The following EPHA6 variants were observed in gnomAD, a reference collection of about 807,000 sequenced individuals.
EPHA6 encodes EPH receptor A6, also known as ephrin type-A receptor 6.
A neutral mutation model predicts 112.0 loss-of-function variants in EPHA6; 50 were observed. The observed-to-expected ratio is 0.45, with a 90% confidence interval of 0.36 to 0.56. The LOEUF (loss-of-function observed/expected upper bound fraction) is 0.56. Ranked by LOEUF, EPHA6 falls within the 20% of genes least tolerant of loss-of-function variation. The pLI, the probability that EPHA6 is intolerant of heterozygous loss-of-function variation, is 0.00. For missense variants in EPHA6, 1,280 were observed against 1,417.4 expected, an observed-to-expected ratio of 0.90 and a Z score of 1.56; for synonymous variants, 529 against 490.7, an observed-to-expected ratio of 1.08 and a Z score of -1.03.
At chr3:97,446,801 C>T (rs2090360918) in intron 6 of EPHA6, among the ~76,000 whole-genome samples, 1 of 152,022 alleles carries the variant, frequency 6.6e-6, no homozygotes, top group East Asian at 1.9e-4. Context: ...TTTAAGCCAC[C>T]TAATTATAAA....
At chr3:97,380,403 A>G (rs2109017433) in intron 5 of EPHA6, among the ~76,000 whole-genome samples, 1 of 152,304 alleles carries the variant, frequency 6.6e-6, no homozygotes, top group South Asian at 2.1e-4. Context: ...ATGAGTATAC[A>G]TATATGTACC....
chr3:97,154,165 C>CA (rs527904988), intron 3 of EPHA6, among the ~76,000 whole-genome samples: 1,384 of 109,130 alleles, frequency 0.013, 17 homozygotes, highest in African/African-American at 0.03. Context: ...AACACTGTCT[C>CA]AAAAAAAAAA....
chr3:96,990,680 T>C (rs1358766361), intron 3 of EPHA6, among the ~76,000 whole-genome samples: 1 of 152,134 alleles, frequency 6.6e-6, no homozygotes, highest in Non-Finnish European at 1.5e-5. Context: ...TTTAAAGATA[T>C]ATATAGTGCA....
At chr3:97,030,802 A>G (rs1470278183) in intron 3 of EPHA6, among the ~76,000 whole-genome samples, 1 of 152,092 alleles carries the variant, frequency 6.6e-6, no homozygotes, top group Non-Finnish European at 1.5e-5. Context: ...TGATGTCTTA[A>G]GAATCATGTA....
At chr3:96,942,439 G>A (rs1397737853) in intron 2 of EPHA6, among the ~76,000 whole-genome samples, 1 of 130,288 alleles carries the variant, frequency 7.7e-6, no homozygotes, top group Non-Finnish European at 1.5e-5. Context: ...ATCTCCTGCT[G>A]TGCTGTTATT....
rs1308551612 is a variant in EPHA6, at chr3:97,672,087, A to G, written c.2784+34005A>G. ...ATGAAAAACAAAAAAGTTTCAAAGA[A>G]TCTAGTTAAATCCCAAATAAATTTA... On this transcript the variant is annotated intron_variant, in intron 14 of 17. Coordinates refer to ENST00000389672, the MANE Select transcript of EPHA6 (RefSeq NM_001080448.3). Among the ~76,000 whole-genome samples, 3 of 152,222 alleles carry G rather than the reference A, an allele frequency of 2.0e-5. No homozygotes were observed. In the East Asian group the frequency reaches 5.8e-4, roughly 29 times the overall value.
intron 5 of EPHA6, among the ~76,000 whole-genome samples, chr3:97,259,341 C>G (rs1224208494): frequency 4.0e-5 from 6 of 151,638 alleles, no homozygotes; most frequent in Admixed American, 2.6e-4. Context: ...CACTTTCAAC[C>G]TTATCTTTTT....
rs2035985584 is a variant in EPHA6 at position 97,754,785 on chromosome 3, A to G, written c.*6084A>G. Among the ~76,000 whole-genome samples, 1 of 151,646 alleles carries G rather than the reference A, an allele frequency of 6.6e-6. No individual in the cohort carries two copies. Among genetic ancestry groups the G allele is most frequent in the Admixed American group, 6.6e-5 (1 of 15,244 alleles). On this transcript the variant is annotated 3_prime_UTR_variant, in exon 18 of 18. Coordinates refer to ENST00000389672, the MANE Select transcript of EPHA6 (RefSeq NM_001080448.3). ...GTGGCGAGATCTCGGCTCACTGCTA[A>G]CTCCGCCTCCCGGGTTCACGCCATT... is the stretch of plus-strand genomic sequence containing the variant.
rs1316095792 is a variant in EPHA6 at position 97,197,413 on chromosome 3, C to G, written c.1115-28851C>G. Among the ~76,000 whole-genome samples the G allele has an allele frequency of 7.2e-5, 11 of 151,968 alleles. 1 individual carries two copies. The highest frequency in any genetic ancestry group is 7.2e-4 in the Admixed American group (11 of 15,236). On this transcript the variant is annotated intron_variant, in intron 3 of 17. Transcript: ENST00000389672. ...TGGTGGATCCTGCCAAAACTGGGTC[C>G]TTAACTTCAAGGTGGTGGGTTCTCT...
chr3:96,858,684 A>T (rs976851543), intron 1 of EPHA6, among the ~76,000 whole-genome samples: 13 of 152,078 alleles, frequency 8.5e-5, no homozygotes, highest in Admixed American at 2.0e-4. Flanking sequence ...TCTTCGTATG[A>T]TGGATGTTGG....
At chr3:96,901,958 A>G (rs971356421) in intron 2 of EPHA6, among the ~76,000 whole-genome samples, 1 of 152,224 alleles carries the variant, frequency 6.6e-6, no homozygotes, top group Admixed American at 6.5e-5. Flanking sequence ...CTTTTTAACT[A>G]TTGTGCTTAC....
chr3:97,634,371 G>T (rs1416608838), intron 13 of EPHA6, among the ~76,000 whole-genome samples: 1 of 151,752 alleles, frequency 6.6e-6, no homozygotes, highest in Non-Finnish European at 1.5e-5. Flanking sequence ...TATTTGTAGA[G>T]CTTTTTTCTT....
intron 3 of EPHA6, chr3:96,994,329 A>G (rs535953433): frequency 4.1e-6 from 1 of 245,352 alleles, no homozygotes; most frequent in African/African-American, 2.2e-5. Context: ...AGACTGTCAT[A>G]TTGGACATGT....
intron 11 of EPHA6, among the ~76,000 whole-genome samples, chr3:97,546,702 C>G (rs1185229384): frequency 6.6e-6 from 1 of 152,238 alleles, no homozygotes; most frequent in East Asian, 1.9e-4. Flanking sequence ...TCAGGTACAC[C>G]AATCAGACGT....
intron 3 of EPHA6, among the ~76,000 whole-genome samples, chr3:97,170,303 GA>G (rs531141477): frequency 1.3e-3 from 202 of 152,208 alleles, no homozygotes; most frequent in African/African-American, 4.7e-3. Context: ...ATTGAATCAA[GA>G]AATCCATGTT....
chr3:97,442,787 G>T (rs1029834530), intron 6 of EPHA6, among the ~76,000 whole-genome samples: 3 of 152,104 alleles, frequency 2.0e-5, no homozygotes, highest in Non-Finnish European at 2.9e-5. Flanking sequence ...TACCCAGGTA[G>T]AACTCATTTT....
Position 96,981,607 on chromosome 3 carries a change from G to T in EPHA6, c.451-5723G>T, listed in dbSNP as rs372413926. Among the ~76,000 whole-genome samples the T allele has an allele frequency of 6.6e-5, 10 of 152,030 alleles. No individual in the cohort carries two copies. The East Asian group carries it at 1.9e-3, about 29-fold the overall frequency. On this transcript the variant is annotated intron_variant, in intron 2 of 17. Coordinates refer to ENST00000389672, the MANE Select transcript of EPHA6 (RefSeq NM_001080448.3). ...AGGATTCTCTCTTTTTCTATTGATT[G>T]GAATAATTTCAGAAGGAATGGTACC...
intron 3 of EPHA6, among the ~76,000 whole-genome samples, chr3:97,093,617 A>G (rs1266082500): frequency 1.3e-5 from 2 of 152,098 alleles, no homozygotes; most frequent in Non-Finnish European, 2.9e-5. Context: ...ATTAACTGAG[A>G]TAGTGTGCAT....
intron 11 of EPHA6, among the ~76,000 whole-genome samples, chr3:97,536,850 C>A (rs2107660742): frequency 6.6e-6 from 1 of 152,238 alleles, no homozygotes; most frequent in African/African-American, 2.4e-5. Context: ...CCTTAATTTT[C>A]ACCACCACAC....
Sources: allele counts gnomAD v4.1 joint callset (sites outside exome capture counted in the v4.1 genomes callset), GRCh38; gene constraint gnomAD v4.1.1; transcripts MANE v1.5; gene names NCBI Gene and HGNC (gene_info 2026-07-23, HGNC 2026-07-21).